Variants in PLCB4 observed in about 807,000 individuals in gnomAD.
The protein encoded by PLCB4 is 1-phosphatidylinositol 4,5-bisphosphate phosphodiesterase beta-4.
PLCB4 carries 77 observed loss-of-function variants against 178.8 expected under a neutral mutation model. That is an observed-to-expected ratio of 0.43 (90% confidence interval 0.36 to 0.52). PLCB4 has a LOEUF of 0.52. PLCB4 is among the 20% of genes least tolerant of loss of function. The pLI is 0.00. For synonymous variants in PLCB4, 496 were observed against 490.8 expected, an observed-to-expected ratio of 1.01 and a Z score of -0.14; for missense variants, 1,024 against 1,453.4, an observed-to-expected ratio of 0.70 and a Z score of 4.80.
chr20:9,269,652 C>A (rs1327692954), intron 3 of PLCB4, among the ~76,000 whole-genome samples: 1 of 152,064 alleles, frequency 6.6e-6, no homozygotes, highest in African/African-American at 2.4e-5. Context: ...TATAAATAAA[C>A]TACTCTTATA....
At chr20:9,340,725 C>T (rs908759405) in intron 7 of PLCB4, among the ~76,000 whole-genome samples, 1 of 151,972 alleles carries the variant, frequency 6.6e-6, no homozygotes, top group African/African-American at 2.4e-5. Flanking sequence ...CTTGCTCGTC[C>T]CCTTCCCAGC....
At chr20:9,310,058 C>G (rs896418297) in intron 4 of PLCB4, among the ~76,000 whole-genome samples, 7 of 152,230 alleles carry the variant, frequency 4.6e-5, no homozygotes, top group African/African-American at 1.7e-4. Flanking sequence ...GATAACATAC[C>G]AAACCACAAA....
At chr20:9,270,505 ATTTCTT>A (rs984507263) in intron 3 of PLCB4, among the ~76,000 whole-genome samples, 4 of 152,112 alleles carry the variant, frequency 2.6e-5, no homozygotes, top group Admixed American at 2.6e-4. Context: ...TAGGTAATCT[ATTTCTT>A]TTTATTGCTG....
At chr20:9,446,716 AG>A (rs1287983980) in intron 32 of PLCB4, among the ~76,000 whole-genome samples, 1 of 152,192 alleles carries the variant, frequency 6.6e-6, no homozygotes, top group East Asian at 1.9e-4. Flanking sequence ...CCCTGTCTCT[AG>A]TAAAAATACA....
rs532719536 is a variant in PLCB4 at position 9,339,527 on chromosome 20, C to G, written c.369+490C>G. ...GCTGGGTTTTAAAAGTAAAAAGATA[C>G]AGGTAAAATTAATTTTAATAAAATA... On this transcript the variant is annotated intron_variant, in intron 7 of 39. Coordinates refer to ENST00000378473, the MANE Select transcript of PLCB4 (RefSeq NM_001377142.1). 2.0e-5 allele frequency among the ~76,000 whole-genome samples: 3 copies of G among 152,194 alleles called. No homozygotes were observed. In the South Asian group the frequency reaches 6.2e-4, roughly 32 times the overall value.
intron 24 of PLCB4, 132 bp downstream of exon 24, chr20:9,409,313 A>G (rs1387629994): frequency 1.7e-6 from 1 of 572,622 alleles, no homozygotes; most frequent in Non-Finnish European, 2.9e-6. Flanking sequence ...GTGTTATTGG[A>G]TTTATATAAT....
chr20:9,119,613 A>G (rs1349043004), intron 2 of PLCB4, among the ~76,000 whole-genome samples: 5 of 152,034 alleles, frequency 3.3e-5, no homozygotes, highest in Non-Finnish European at 7.4e-5. Flanking sequence ...TTTGATCAAC[A>G]TCTATCTATA....
chr20:9,365,626 C>T (rs2035710689), intron 9 of PLCB4, 112 bp downstream of exon 9: 1 of 572,104 alleles, frequency 1.7e-6, no homozygotes, highest in Non-Finnish European at 3.1e-6. Flanking sequence ...AAAGATATTT[C>T]TGGAATCTTA....
chr20:9,403,688 A>G (rs1039799145), intron 20 of PLCB4, among the ~76,000 whole-genome samples: 2 of 152,202 alleles, frequency 1.3e-5, no homozygotes, highest in African/African-American at 4.8e-5. Flanking sequence ...CAGAGGTTGA[A>G]TAGTTGGCCA....
At chr20:9,386,892 C>CT (rs780599842) in intron 14 of PLCB4, among the ~76,000 whole-genome samples, 1,569 of 129,500 alleles carry the variant, frequency 0.012, 29 homozygotes, top group African/African-American at 0.039. Context: ...CCAAATTGTC[C>CT]TTTTTTTTTT....
At chr20:9,304,313 G>T (rs1178194729) in intron 3 of PLCB4, among the ~76,000 whole-genome samples, 3 of 151,722 alleles carry the variant, frequency 2.0e-5, no homozygotes, top group Non-Finnish European at 4.4e-5. Flanking sequence ...ATGTTTCCTT[G>T]TTGTTGTCAA....
At chr20:9,462,422 A>G (rs1568891764) in intron 35 of PLCB4, among the ~76,000 whole-genome samples, 1 of 152,212 alleles carries the variant, frequency 6.6e-6, no homozygotes, top group Non-Finnish European at 1.5e-5. Context: ...GACTTTGACA[A>G]GTTGACAGAA....
intron 1 of PLCB4, among the ~76,000 whole-genome samples, chr20:9,071,036 C>T (rs1414657127): frequency 6.6e-6 from 1 of 152,082 alleles, no homozygotes; most frequent in African/African-American, 2.4e-5. Flanking sequence ...ATTTATATGC[C>T]TGAAAATGTG....
intron 6 of PLCB4, 83 bp from the exon 7 acceptor site, chr20:9,338,794 GTTTATTTTTACATTAAA>G: frequency 2.3e-6 from 2 of 882,146 alleles, no homozygotes; most frequent in Non-Finnish European, 3.5e-6. Context: ...GGGCCCTTAT[GTTTATTTTTACATTAAA>G]TGTGGTTTCT....
chr20:9,446,771 C>T (rs2042438651), intron 32 of PLCB4, among the ~76,000 whole-genome samples: 1 of 152,142 alleles, frequency 6.6e-6, no homozygotes. Context: ...ATCCCAGCTA[C>T]TTGGGAGGCT....
chr20:9,228,390 C>A (rs1269014385), intron 3 of PLCB4, among the ~76,000 whole-genome samples: 1 of 152,108 alleles, frequency 6.6e-6, no homozygotes, highest in African/African-American at 2.4e-5. Context: ...ACCTCTAGAC[C>A]ATTCCTTTTT....
chr20:9,225,916 C>T (rs2093859141), intron 3 of PLCB4, among the ~76,000 whole-genome samples: 1 of 152,184 alleles, frequency 6.6e-6, no homozygotes. Context: ...GGCATCTTGT[C>T]TTTGCTGTCC....
chr20:9,113,309 C>G (rs186110789), intron 2 of PLCB4, among the ~76,000 whole-genome samples: 31 of 152,268 alleles, frequency 2.0e-4, no homozygotes, highest in Non-Finnish European at 4.3e-4. Flanking sequence ...GATAGCAGCA[C>G]AAAACACTGG....
At chr20:9,410,878 G>C (rs1292187302) in intron 24 of PLCB4, among the ~76,000 whole-genome samples, 159 bp from the exon 25 acceptor site, 1 of 152,122 alleles carries the variant, frequency 6.6e-6, no homozygotes, top group African/African-American at 2.4e-5. Context: ...ATTCAACATG[G>C]AAGAGAGTAT....
Sources: allele counts gnomAD v4.1 joint callset (sites outside exome capture counted in the v4.1 genomes callset), GRCh38; gene constraint gnomAD v4.1.1; transcripts MANE v1.5; gene names NCBI Gene and HGNC (gene_info 2026-07-23, HGNC 2026-07-21).